MAGOH: variants seen among roughly 807,000 people sequenced by gnomAD.
MAGOH encodes protein mago nashi homolog.
In MAGOH, 3 loss-of-function variants were observed where a neutral mutation model predicts 20.9. The ratio of observed to expected loss-of-function variants is 0.14; its 90% CI spans 0.07 to 0.37. The LOEUF (loss-of-function observed/expected upper bound fraction) is 0.37. Ranked by LOEUF, MAGOH falls within the 10% of genes least tolerant of loss-of-function variation. The probability of loss-of-function intolerance (pLI) is 1.00; values close to 1 mark genes in which losing one functional copy is unlikely to be tolerated. For synonymous variants in MAGOH, 51 were observed against 61.0 expected (o/e 0.84, Z 0.76); for missense variants, 66 against 178.1 (o/e 0.37, Z 3.58).
intron 3 of MAGOH, among the ~76,000 whole-genome samples, chr1:53,230,029 T>C (rs1645578495): frequency 6.6e-6 from 1 of 152,232 alleles, no homozygotes; most frequent in South Asian, 2.1e-4. Flanking sequence ...ATGTTGGATC[T>C]CAATTTCCAA....
At chr1:53,227,687 T>C (rs547327913) in intron 4 of MAGOH, among the ~76,000 whole-genome samples, 7 of 152,092 alleles carry the variant, frequency 4.6e-5, no homozygotes, top group African/African-American at 1.7e-4. Flanking sequence ...ATTACAGGCA[T>C]GCACCACGCC....
intron 3 of MAGOH, among the ~76,000 whole-genome samples, chr1:53,232,563 A>G (rs1187178434): frequency 1.3e-5 from 2 of 152,274 alleles, no homozygotes; most frequent in East Asian, 1.9e-4. Flanking sequence ...GAAGACCTCA[A>G]TAATAGAGAC....
chr1:53,228,985 T>C, intron 3 of MAGOH, 31 bp from the exon 4 acceptor site: 4 of 1,406,944 alleles, frequency 2.8e-6, no homozygotes, highest in Non-Finnish European at 4.0e-6. Context: ...CGAAGTCAAG[T>C]AGAATTGGAT....
intron 3 of MAGOH, among the ~76,000 whole-genome samples, chr1:53,229,197 G>T (rs567728497): frequency 7.1e-6 from 1 of 141,430 alleles, no homozygotes; most frequent in African/African-American, 2.6e-5. Context: ...ATCTATGTAG[G>T]TTTTTTTTTT....
intron 3 of MAGOH, among the ~76,000 whole-genome samples, chr1:53,231,037 C>T (rs2100303616): frequency 6.6e-6 from 1 of 152,332 alleles, no homozygotes; most frequent in Admixed American, 6.5e-5. Flanking sequence ...AAATTACTCC[C>T]TAACGCGGTT....
rs561478144 is a variant in MAGOH, at chr1:53,234,514, C to T, written c.148-862G>A. On this transcript the variant is annotated intron_variant, in intron 2 of 4. Transcript: ENST00000371470. ...TCAGCCTCCTAAGTAGCTGGGACTA[C>T]AGGCACCCGCCACCATGCCTGGCTA... 9.9e-5 allele frequency among the ~76,000 whole-genome samples: 15 copies of T among 151,858 alleles called. No individual in the cohort carries two copies. The South Asian group carries it at 2.7e-3, about 27-fold the overall frequency.
intron 3 of MAGOH, among the ~76,000 whole-genome samples, chr1:53,229,381 T>C (rs1412745509): frequency 6.6e-6 from 1 of 152,110 alleles, no homozygotes; most frequent in Non-Finnish European, 1.5e-5. Flanking sequence ...TTTGTATTTT[T>C]AGTAGAGACG....
At chr1:53,235,167 G>T (rs941909495) in intron 2 of MAGOH, among the ~76,000 whole-genome samples, 1 of 152,084 alleles carries the variant, frequency 6.6e-6, no homozygotes, top group African/African-American at 2.4e-5. Flanking sequence ...GCTCTTCATT[G>T]TGTACCATGT....
intron 2 of MAGOH, among the ~76,000 whole-genome samples, chr1:53,234,639 G>A (rs1295705007): frequency 1.3e-5 from 2 of 152,070 alleles, no homozygotes; most frequent in African/African-American, 4.8e-5. Context: ...CTCCCAAAGT[G>A]CTGGGATTAC....
chr1:53,237,673 C>CAA (rs1231950502), intron 1 of MAGOH, among the ~76,000 whole-genome samples: 2,201 of 55,206 alleles, frequency 0.04, 179 homozygotes, highest in East Asian at 0.32. Flanking sequence ...AAAGCCGTCT[C>CAA]AAAAAAAAAA....
chr1:53,229,370 T>G (rs986990004), intron 3 of MAGOH, among the ~76,000 whole-genome samples: 1 of 152,094 alleles, frequency 6.6e-6, no homozygotes, highest in Non-Finnish European at 1.5e-5. Flanking sequence ...GGCTAATTTT[T>G]TTTGTATTTT....
At chr1:53,229,474 G>A (rs553283718) in intron 3 of MAGOH, among the ~76,000 whole-genome samples, 28 of 152,212 alleles carry the variant, frequency 1.8e-4, no homozygotes, top group African/African-American at 5.5e-4. Context: ...GGCTGGTCTC[G>A]AACTCCTGAC....
intron 2 of MAGOH, among the ~76,000 whole-genome samples, chr1:53,234,266 G>A (rs903182799): frequency 6.6e-5 from 10 of 152,034 alleles, no homozygotes; most frequent in African/African-American, 2.4e-4. Flanking sequence ...GGACTTTCCA[G>A]CCTCCAAAAT....
At chr1:53,230,071 GTATC>G (rs1645578708) in intron 3 of MAGOH, among the ~76,000 whole-genome samples, 1 of 152,164 alleles carries the variant, frequency 6.6e-6, no homozygotes, top group Non-Finnish European at 1.5e-5. Flanking sequence ...CCTTCAAAAA[GTATC>G]TATGTGTAGC....
chr1:53,231,213 T>TTATC (rs1404414902), intron 3 of MAGOH, among the ~76,000 whole-genome samples: 2 of 152,234 alleles, frequency 1.3e-5, no homozygotes, highest in Non-Finnish European at 2.9e-5. Flanking sequence ...ATCTTGTAAG[T>TTATC]TATCTATTCA....
intron 3 of MAGOH, among the ~76,000 whole-genome samples, chr1:53,230,978 AT>A (rs1224885768): frequency 6.6e-6 from 1 of 152,210 alleles, no homozygotes; most frequent in African/African-American, 2.4e-5. Context: ...GTACATGTGA[AT>A]ATGTCTCCAT....
At position 53,226,971 on chromosome 1, in the gene MAGOH, TA is replaced by T. The variant is rs1645563045; in HGVS notation, c.*73del. 25 of 730,518 alleles carry T rather than the reference TA, an allele frequency of 3.4e-5. No individual in the cohort carries two copies. Among genetic ancestry groups the T allele is most frequent in the African/African-American group, 5.6e-5 (3 of 53,774 alleles). The allele number at this position is 730,518 out of a possible 1,614,324, so 45.3% of individuals were successfully genotyped here. On this transcript the variant is annotated 3_prime_UTR_variant, in exon 5 of 5. Coordinates refer to ENST00000371470, the MANE Select transcript of MAGOH (RefSeq NM_002370.4). ...ATTAAAGACAATCATTTATAGTTCA[TA>T]AAAAAATACTGCCCTGATATACACA...
intron 3 of MAGOH, chr1:53,233,331 G>A (rs559773414): frequency 6.7e-4 from 297 of 442,252 alleles, no homozygotes; most frequent in Admixed American, 1.2e-3. Context: ...AAATATACAT[G>A]AATTTAAATA....
chr1:53,229,712 A>T (rs184462551), intron 3 of MAGOH, among the ~76,000 whole-genome samples: 443 of 152,308 alleles, frequency 2.9e-3, no homozygotes, highest in African/African-American at 9.9e-3. Context: ...TGAGCCCAGG[A>T]GTTTAAGACC....
Sources: allele counts gnomAD v4.1 joint callset (sites outside exome capture counted in the v4.1 genomes callset), GRCh38; gene constraint gnomAD v4.1.1; transcripts MANE v1.5; gene names NCBI Gene and HGNC (gene_info 2026-07-23, HGNC 2026-07-21).